Variants in NNMT observed in about 807,000 individuals in gnomAD.
NNMT encodes the protein nicotinamide N-methyltransferase.
A neutral mutation model predicts 11.7 loss-of-function variants in NNMT; 10 were observed. The ratio of observed to expected loss-of-function variants is 0.85; its 90% CI spans 0.53 to 1.45. The LOEUF (loss-of-function observed/expected upper bound fraction) is 1.45. NNMT is among the 40% of genes most tolerant of loss of function. The pLI, the probability that NNMT is intolerant of heterozygous loss-of-function variation, is 0.00. For synonymous variants in NNMT, 143 were observed against 133.8 expected, an observed-to-expected ratio of 1.07 and a Z score of -0.48; for missense variants, 381 against 319.4, an observed-to-expected ratio of 1.19 and a Z score of -1.47.
intron 2 of NNMT, among the ~76,000 whole-genome samples, chr11:114,290,764 C>T (rs1185217626): frequency 4.6e-5 from 7 of 152,200 alleles, no homozygotes; most frequent in Admixed American, 1.3e-4. Context: ...GTACTAGTGG[C>T]AAGCTTTTAG....
At position 114,296,525 on chromosome 11, in the gene NNMT, G is replaced by A. The variant is rs773854396; in HGVS notation, c.-32G>A. ...GGCTTCTGGAGGAAAGAGAAGGAGG[G>A]CAGTGCTCCAGTGGTACAGAAGTGA... On this transcript the variant is annotated 5_prime_UTR_variant, in exon 1 of 3. Transcript: ENST00000299964. 49 of 1,606,636 alleles carry A rather than the reference G, an allele frequency of 3.0e-5. 1 individual carries two copies. In the South Asian group the frequency reaches 5.1e-4, roughly 17 times the overall value.
chr11:114,275,423 A>G lies in NNMT; in HGVS notation c.-130+12489A>G, dbSNP rs543985685. On this transcript the variant is annotated intron_variant, in intron 2 of 4. Transcript: ENST00000535401. ...GCACTTGGCTGACTTGTTTTAAGTC[A>G]TGGACCAGGCAGAGAAAGAATGGGC... Among the ~76,000 whole-genome samples the G allele has an allele frequency of 3.3e-5, 5 of 152,312 alleles. No individual in the cohort carries two copies. The East Asian group carries it at 9.7e-4, about 29-fold the overall frequency.
At chr11:114,287,865 T>G (rs1272820013) in intron 2 of NNMT, among the ~76,000 whole-genome samples, 2 of 152,192 alleles carry the variant, frequency 1.3e-5, no homozygotes, top group Non-Finnish European at 2.9e-5. Flanking sequence ...CCCCCATCCA[T>G]GAAGTGGCGT....
chr11:114,296,506 T>C lies in NNMT; in HGVS notation c.-51T>C, dbSNP rs777158904. On this transcript the variant is annotated 5_prime_UTR_variant, in exon 1 of 3. Transcript: ENST00000299964. ...TTCTGCAGGGTCACTCCCTGGCTTC[T>C]GGAGGAAAGAGAAGGAGGGCAGTGC... 22 of 1,594,392 alleles carry C rather than the reference T, an allele frequency of 1.4e-5. No homozygotes were observed. Among genetic ancestry groups the C allele is most frequent in the Non-Finnish European group, 1.8e-5 (21 of 1,170,164 alleles).
chr11:114,285,964 A>G (rs1401743217), intron 2 of NNMT, among the ~76,000 whole-genome samples: 1 of 152,204 alleles, frequency 6.6e-6, no homozygotes, highest in African/African-American at 2.4e-5. Context: ...GTAGGCCTTG[A>G]TGTCATCTGA....
chr11:114,312,368 G>A lies in NNMT; in HGVS notation c.686G>A (p.Gly229Asp), dbSNP rs1237939885. Residue 229 changes from glycine (G) to aspartate (D), a missense_variant, in exon 3 of 3, where the codon GGC (glycine) becomes GAC (aspartate). Gly to Asp is a moderately conservative substitution (Grantham distance 94). Transcript: ENST00000299964. Reference sequence around the variant, plus strand: ...GTAGAGGCTGCTGTGAAAGAGGCTGGCTACACAATCGAATGGTTTGAGGTG... The same window carrying A: ...GTAGAGGCTGCTGTGAAAGAGGCTGACTACACAATCGAATGGTTTGAGGTG... ...EAVEAAVKEA[G>D]YTIEWFEVIS... is the part of the protein sequence containing the mutation. 6 of 1,614,128 alleles carry A rather than the reference G, an allele frequency of 3.7e-6. No individual in the cohort carries two copies. Among genetic ancestry groups the A allele is most frequent in the Non-Finnish European group, 5.1e-6 (6 of 1,180,052 alleles).
intron 1 of NNMT, among the ~76,000 whole-genome samples, chr11:114,261,353 G>A (rs1367405587): frequency 1.3e-5 from 2 of 152,154 alleles, no homozygotes; most frequent in African/African-American, 4.8e-5. Flanking sequence ...AGGCCGAGGC[G>A]GGTGGATCAC....
At position 114,296,856 on chromosome 11, in the gene NNMT, G is replaced by T. The variant is rs1945385997; in HGVS notation, c.154+146G>T. 9.1e-6 allele frequency: 7 copies of T among 772,838 alleles called. No individual in the cohort carries two copies. In the South Asian group the frequency reaches 1.2e-4, roughly 13 times the overall value. The allele number at this position is 772,838 out of a possible 1,614,324, so 47.9% of individuals were successfully genotyped here. On this transcript the variant is annotated intron_variant, in intron 1 of 2. Transcript: ENST00000299964. ...TTTAACTAGGATAAAAACGAATATT[G>T]GTATAGCGATTCCACAGTTTACAAA...
chr11:114,312,306 G>A lies in NNMT; in HGVS notation c.624G>A (p.Glu208=). ...ALKSSYYMIG[E]QKFSSLPLGR... ...AGAGCAGCTACTACATGATTGGTGA[G>A]CAGAAGTTCTCCAGCCTCCCCCTGG... Residue 208 remains glutamate (E), a synonymous_variant, in exon 3 of 3, where the codon GAG becomes GAA. Transcript: ENST00000299964. The A allele has an allele frequency of 1.2e-6, 2 of 1,614,230 alleles. No individual in the cohort carries two copies. The highest frequency in any genetic ancestry group is 2.2e-5 in the East Asian group (1 of 44,890).
At chr11:114,261,831 C>CT (rs1945085470) in intron 1 of NNMT, among the ~76,000 whole-genome samples, 1 of 152,174 alleles carries the variant, frequency 6.6e-6, no homozygotes, top group South Asian at 2.1e-4. Flanking sequence ...TCAAATCCAA[C>CT]TCCTCCCATC....
intron 2 of NNMT, among the ~76,000 whole-genome samples, chr11:114,275,664 T>A (rs952043971): frequency 3.9e-5 from 6 of 152,124 alleles, no homozygotes; most frequent in African/African-American, 1.4e-4. Context: ...GGTTAGGTTT[T>A]GTGTTAGAAT....
intron 2 of NNMT, among the ~76,000 whole-genome samples, chr11:114,308,438 G>T (rs970180203): frequency 1.3e-5 from 2 of 152,110 alleles, no homozygotes; most frequent in African/African-American, 4.8e-5. Context: ...TAAATCTCAG[G>T]ATAGTTCACC....
exon 2 of NNMT, chr11:114,262,908 A>T (rs1945094620): frequency 6.6e-6 from 1 of 152,208 alleles, no homozygotes; most frequent in Non-Finnish European, 1.5e-5. Context: ...GAGGAAGTGC[A>T]TCAGGACGGC....
chr11:114,288,425 A>G (rs749181800), intron 2 of NNMT, among the ~76,000 whole-genome samples: 3 of 148,488 alleles, frequency 2.0e-5, no homozygotes, highest in Non-Finnish European at 4.5e-5. Context: ...GAATGGATAT[A>G]GAATTTAAGC....
intron 2 of NNMT, among the ~76,000 whole-genome samples, chr11:114,302,080 T>C (rs776646274): frequency 2.6e-5 from 4 of 152,088 alleles, no homozygotes; most frequent in Non-Finnish European, 4.4e-5. Flanking sequence ...TCAGATTATG[T>C]TTTCTCTTTT....
intron 2 of NNMT, among the ~76,000 whole-genome samples, chr11:114,298,628 C>A (rs1945407870): frequency 1.3e-5 from 2 of 152,034 alleles, no homozygotes; most frequent in Admixed American, 1.3e-4. Context: ...GCTGACATCA[C>A]CAGATACAAC....
intron 2 of NNMT, among the ~76,000 whole-genome samples, chr11:114,308,783 A>C (rs775027466): frequency 1.3e-5 from 2 of 152,156 alleles, no homozygotes; most frequent in African/African-American, 4.8e-5. Context: ...AGGTGTATGC[A>C]GGCTTTACAC....
intron 2 of NNMT, chr11:114,270,189 G>A (rs889346158): frequency 2.6e-5 from 4 of 152,056 alleles, no homozygotes; most frequent in Non-Finnish European, 4.4e-5. Context: ...CAGTTTTTGT[G>A]AATATTCCAT....
At chr11:114,270,114 G>C (rs1945158409) in intron 2 of NNMT, among the ~76,000 whole-genome samples, 1 of 152,090 alleles carries the variant, frequency 6.6e-6, no homozygotes, top group East Asian at 1.9e-4. Flanking sequence ...TTTGATCAGA[G>C]AATATTTTGT....
Sources: allele counts gnomAD v4.1 joint callset (sites outside exome capture counted in the v4.1 genomes callset), GRCh38; gene constraint gnomAD v4.1.1; transcripts MANE v1.5; gene names NCBI Gene and HGNC (gene_info 2026-07-23, HGNC 2026-07-21).